The following PARP16 variants were observed in gnomAD, a reference collection of about 807,000 sequenced individuals.
PARP16 encodes protein mono-ADP-ribosyltransferase PARP16.
In PARP16, 31 loss-of-function variants were observed where a neutral mutation model predicts 35.0. The observed-to-expected ratio is 0.88, with a 90% CI of 0.66 to 1.19. The LOEUF is 1.19. Among genes scored for constraint, PARP16 ranks in the 50% most tolerant of loss-of-function variants. PARP16 has a pLI of 0.00. For synonymous variants in PARP16, 162 were observed against 169.5 expected, an observed-to-expected ratio of 0.96 and a Z score of 0.34; for missense variants, 424 against 411.2, an observed-to-expected ratio of 1.03 and a Z score of -0.27.
At chr15:65,245,056 A>C (rs748974840) in intron 3 of PARP16, among the ~76,000 whole-genome samples, 1 of 152,156 alleles carries the variant, frequency 6.6e-6, no homozygotes, top group Non-Finnish European at 1.5e-5. Context: ...CCTGGCCAGG[A>C]GGTGACACAG....
chr15:65,270,847 A>C (rs1288781366), intron 2 of PARP16, 88 bp downstream of exon 2: 3 of 1,302,322 alleles, frequency 2.3e-6, no homozygotes, highest in Non-Finnish European at 2.2e-6. Flanking sequence ...TCACTGGTAC[A>C]CAGGGAAGTC....
chr15:65,263,299 T>G lies in PARP16; in HGVS notation c.541A>C (p.Thr181Pro), dbSNP rs565395093. The G allele has an allele frequency of 3.8e-6, 6 of 1,597,764 alleles. No individual in the cohort carries two copies. The highest frequency in any genetic ancestry group is 5.1e-6 in the Non-Finnish European group (6 of 1,171,376). The change falls in exon 4 of 6, where the codon ACC becomes CCC. Residue 181 changes from threonine to proline, a missense_variant. Thr to Pro is a conservative substitution (Grantham distance 38). Transcript: ENST00000649807. Reference protein sequence around the residue: ...LNKTSLFGEGTYLTSDLSLAL... With the variant: ...LNKTSLFGEGPYLTSDLSLAL... ...AGGCTCAAGTCACTGGTGAGGTAGG[T>G]CCCCTCTCCGAACAAGGATGTCTGC...
intron 3 of PARP16, among the ~76,000 whole-genome samples, chr15:65,236,400 G>A (rs935091420): frequency 7.9e-5 from 12 of 152,236 alleles, no homozygotes; most frequent in Non-Finnish European, 5.9e-5. Context: ...CTGGACCAGG[G>A]AACCAAGAGA....
At chr15:65,272,429 G>GA (rs1236520499) in intron 1 of PARP16, among the ~76,000 whole-genome samples, 1 of 152,192 alleles carries the variant, frequency 6.6e-6, no homozygotes. Context: ...CTTTTGCTCA[G>GA]AAGTTATGAC....
chr15:65,244,818 A>T (rs2089166294), intron 3 of PARP16, among the ~76,000 whole-genome samples: 1 of 152,258 alleles, frequency 6.6e-6, no homozygotes, highest in Admixed American at 6.5e-5. Context: ...TCACAGAAGT[A>T]GTGAGTCTCC....
downstream of PARP16, chr15:65,258,090 C>T (rs1473974331): frequency 6.6e-6 from 1 of 152,180 alleles, no homozygotes; most frequent in Non-Finnish European, 1.5e-5. Flanking sequence ...CTCACAAAGG[C>T]AACTTAAATC....
At chr15:65,249,173 G>A (rs1315688637) in intron 2 of PARP16, among the ~76,000 whole-genome samples, 1 of 152,192 alleles carries the variant, frequency 6.6e-6, no homozygotes, top group African/African-American at 2.4e-5. Flanking sequence ...GCATCTCAAG[G>A]CTGTGGGAAT....
intron 2 of PARP16, among the ~76,000 whole-genome samples, chr15:65,269,084 G>A (rs1284604406): frequency 6.6e-6 from 1 of 151,980 alleles, no homozygotes; most frequent in African/African-American, 2.4e-5. Context: ...GTAGACCTGT[G>A]AATTTCCTCT....
At position 65,263,262 on chromosome 15, in the gene PARP16, T is replaced by C. The variant is rs757324198; in HGVS notation, c.578A>G (p.Tyr193Cys). ...LTSDLSLALI[Y>C]SPHGHGWQHS... ...CTGCCACCCATGGCCATGGGGGCTG[T>C]ATATGAGGGCCAGGCTCAAGTCACT... The change falls in exon 4 of 6, where the codon TAC becomes TGC. Residue 193 changes from tyrosine to cysteine, a missense_variant. Transcript: ENST00000649807. 6.8e-6 allele frequency: 11 copies of C among 1,613,530 alleles called. No homozygotes were observed. Among genetic ancestry groups the C allele is most frequent in the Non-Finnish European group, 9.3e-6 (11 of 1,179,676 alleles).
At chr15:65,235,286 G>T (rs1446090903) in intron 3 of PARP16, among the ~76,000 whole-genome samples, 1 of 151,758 alleles carries the variant, frequency 6.6e-6, no homozygotes, top group Admixed American at 6.6e-5. Flanking sequence ...CAGCCTGGGC[G>T]ACAGAAAGAG....
At chr15:65,268,830 C>T (rs1334256869) in intron 2 of PARP16, among the ~76,000 whole-genome samples, 1 of 152,196 alleles carries the variant, frequency 6.6e-6, no homozygotes, top group East Asian at 1.9e-4. Context: ...TCTTGGCTCA[C>T]TGCAGCCTCC....
chr15:65,239,955 C>CTTTTTTTTTTTTTTTTTTTTTTTTT lies in PARP16; in HGVS notation c.*98-5133_*98-5132insAAAAAAAAAAAAAAAAAAAAAAAAA, dbSNP rs367808430. ...ACAGGCGTGAGCCACCGCGTCTGAC[C>CTTTTTTTTTTTTTTTTTTTTTTTTT]TTTTTTTTTTTTTTTTTTTAAATAC... On this transcript the variant is annotated intron_variant and NMD_transcript_variant, in intron 3 of 3. Transcript: ENST00000559805. 2.3e-4 allele frequency among the ~76,000 whole-genome samples: 19 copies of CTTTTTTTTTTTTTTTTTTTTTTTTT among 81,716 alleles called. 4 individuals carry two copies. The highest frequency in any genetic ancestry group is 7.0e-4 in the African/African-American group (12 of 17,134). The allele number at this position is 81,716 out of a possible 152,430, so 53.6% of individuals were successfully genotyped here.
In PARP16 at chr15:65,258,267, C is replaced by T. The variant is rs1290436965; in HGVS notation, c.*1140G>A. 5.3e-5 allele frequency: 8 copies of T among 152,222 alleles called. No homozygotes were observed. The highest frequency in any genetic ancestry group is 5.2e-4 in the Admixed American group (8 of 15,282). 9.4% of individuals were successfully genotyped at this position (152,222 alleles called of 1,614,324 possible). A position where few individuals can be genotyped will look rare whatever the true frequency, so the allele number is the denominator to read the frequency against. ...GGGCCCTATTATGGCTAAAACCCAGCAGGAAGAAGGGAGCAGAGAATACAG... is the reference window on the plus strand; with the variant it reads ...GGGCCCTATTATGGCTAAAACCCAGTAGGAAGAAGGGAGCAGAGAATACAG... On this transcript the variant is annotated 3_prime_UTR_variant, in exon 6 of 6. Coordinates refer to ENST00000649807, the MANE Select transcript of PARP16 (RefSeq NM_001316943.2).
At chr15:65,239,955 CTTT>C (rs367808430) in intron 3 of PARP16, among the ~76,000 whole-genome samples, 1 of 81,750 alleles carries the variant, frequency 1.2e-5, no homozygotes, top group Non-Finnish European at 2.1e-5. Context: ...CGCGTCTGAC[CTTT>C]TTTTTTTTTT....
intron 2 of PARP16, 27 bp downstream of exon 2, chr15:65,270,908 C>A (rs2140913265): frequency 1.2e-6 from 2 of 1,612,818 alleles, no homozygotes; most frequent in African/African-American, 2.7e-5. Context: ...CCCCTAAAAT[C>A]TGTGATGCTA....
chr15:65,253,402 C>T (rs2089412811), downstream of PARP16, among the ~76,000 whole-genome samples: 1 of 150,736 alleles, frequency 6.6e-6, no homozygotes, highest in Admixed American at 6.6e-5. Context: ...GGGATCTCGG[C>T]TCACTGCAAG....
chr15:65,259,336 G>T lies in PARP16; in HGVS notation c.*71C>A. 1 of 1,517,682 alleles carries T rather than the reference G, an allele frequency of 6.6e-7. No homozygotes were observed. Among genetic ancestry groups the T allele is most frequent in the Non-Finnish European group, 9.1e-7 (1 of 1,097,000 alleles). 94.0% of individuals were successfully genotyped at this position (1,517,682 alleles called of 1,614,324 possible). ...TAGGCTCAACCTGGCTGGACATGAG[G>T]CATAGGAGGTACAGAACAAGTTACC... On this transcript the variant is annotated 3_prime_UTR_variant, in exon 6 of 6. Coordinates refer to ENST00000649807, the MANE Select transcript of PARP16 (RefSeq NM_001316943.2).
intron 1 of PARP16, among the ~76,000 whole-genome samples, chr15:65,274,515 A>G (rs1214390326): frequency 1.3e-5 from 2 of 151,602 alleles, no homozygotes; most frequent in Non-Finnish European, 2.9e-5. Context: ...TAGAAGATGC[A>G]GTGAGCCATG....
chr15:65,270,461 CTGAACTAG>C (rs1385139196), intron 2 of PARP16, among the ~76,000 whole-genome samples: 1 of 152,214 alleles, frequency 6.6e-6, no homozygotes, highest in Non-Finnish European at 1.5e-5. Context: ...CTCCTGATAA[CTGAACTAG>C]GTCAGAGTTT....
Sources: gnomAD v4.1 joint callset for allele counts (sites outside exome capture counted in the v4.1 genomes callset) on GRCh38, gnomAD v4.1.1 for gene constraint, MANE v1.5 for transcripts, NCBI Gene and HGNC (gene_info 2026-07-23, HGNC 2026-07-21) for gene names.